RBFOX1: variants seen among roughly 807,000 people sequenced by gnomAD.
The protein encoded by RBFOX1 is RNA binding fox-1 homolog 1.
RBFOX1 carries 8 observed loss-of-function variants against 57.7 expected under a neutral mutation model. The observed-to-expected ratio is 0.14, with a 90% CI of 0.08 to 0.25. The LOEUF (loss-of-function observed/expected upper bound fraction) is 0.25. Ranked by LOEUF, RBFOX1 falls within the 10% of genes least tolerant of loss-of-function variation. RBFOX1 has a pLI of 1.00. For missense variants in RBFOX1, 611 were observed against 548.5 expected, an observed-to-expected ratio of 1.11 and a Z score of -1.14; for synonymous variants, 326 against 222.4, an observed-to-expected ratio of 1.47 and a Z score of -4.15.
intron 4 of RBFOX1, among the ~76,000 whole-genome samples, chr16:7,110,319 C>G (rs1400123041): frequency 6.6e-6 from 1 of 151,928 alleles, no homozygotes; most frequent in Non-Finnish European, 1.5e-5. Context: ...TATGATCATG[C>G]CACTGCACTC....
At chr16:7,420,169 A>G (rs2098526628) in intron 4 of RBFOX1, among the ~76,000 whole-genome samples, 1 of 152,070 alleles carries the variant, frequency 6.6e-6, no homozygotes, top group South Asian at 2.1e-4. Context: ...TCTCCAGTCT[A>G]AATATTCTGC....
At chr16:5,811,731 G>A (rs371613963) in intron 3 of RBFOX1, among the ~76,000 whole-genome samples, 4 of 152,318 alleles carry the variant, frequency 2.6e-5, no homozygotes, top group South Asian at 4.1e-4. Flanking sequence ...TTACAGACGT[G>A]AGCCACCACA....
intron 1 of RBFOX1, among the ~76,000 whole-genome samples, chr16:6,124,038 G>A (rs896389255): frequency 6.6e-6 from 1 of 152,204 alleles, no homozygotes; most frequent in African/African-American, 2.4e-5. Flanking sequence ...GGGGCTCATT[G>A]GTTTCTAGCT....
chr16:6,382,778 T>A (rs2152919802), intron 2 of RBFOX1, among the ~76,000 whole-genome samples: 1 of 152,250 alleles, frequency 6.6e-6, no homozygotes, highest in African/African-American at 2.4e-5. Flanking sequence ...GAGAATTCCT[T>A]GAACTCAGGA....
chr16:6,029,412 T>C (rs1373361259), intron 1 of RBFOX1, among the ~76,000 whole-genome samples: 2 of 152,212 alleles, frequency 1.3e-5, no homozygotes, highest in Non-Finnish European at 2.9e-5. Context: ...CTTGACATTA[T>C]ATATGCACAC....
At chr16:6,670,373 C>T (rs2098756719) in intron 3 of RBFOX1, among the ~76,000 whole-genome samples, 1 of 152,064 alleles carries the variant, frequency 6.6e-6, no homozygotes, top group African/African-American at 2.4e-5. Context: ...CCCAGACAAA[C>T]ATATGTATTT....
In RBFOX1 at chr16:7,316,840, A is replaced by G. The variant is rs183365565; in HGVS notation, c.28-201307A>G. Among the ~76,000 whole-genome samples, 195 of 152,100 alleles carry G rather than the reference A, an allele frequency of 1.3e-3. 1 individual carries two copies. The highest frequency in any genetic ancestry group is 3.4e-3 in the Middle Eastern group (1 of 294). On this transcript the variant is annotated intron_variant, in intron 4 of 15. Coordinates refer to ENST00000550418, the MANE Select transcript of RBFOX1 (RefSeq NM_018723.4). ...CCTAGGTGTCTTTAAGATGCTGGAA[A>G]AACAAAGGGACCAGGGAGCCAGTGA...
chr16:7,600,563 G>T (rs1342444754), intron 9 of RBFOX1, among the ~76,000 whole-genome samples: 1 of 152,176 alleles, frequency 6.6e-6, no homozygotes, highest in East Asian at 1.9e-4. Context: ...CATCGGTGAG[G>T]TTCACTCATT....
chr16:7,083,883 C>A (rs530194392), intron 4 of RBFOX1, among the ~76,000 whole-genome samples: 1 of 152,108 alleles, frequency 6.6e-6, no homozygotes, highest in Non-Finnish European at 1.5e-5. Context: ...AATGGTGACT[C>A]TGTGGTGAAG....
chr16:6,579,748 C>G lies in RBFOX1; in HGVS notation c.-63-74855C>G, dbSNP rs970304190. Among the ~76,000 whole-genome samples, 5 of 152,090 alleles carry G rather than the reference C, an allele frequency of 3.3e-5. 1 individual carries two copies. The highest frequency in any genetic ancestry group is 1.2e-4 in the African/African-American group (5 of 41,528). ...CGTGGGAACAGACTAATACACTTGG[C>G]TAATTTTTCAATTTTTTTGTAGAGA... On this transcript the variant is annotated intron_variant, in intron 2 of 15. Transcript: ENST00000550418.
intron 3 of RBFOX1, among the ~76,000 whole-genome samples, chr16:5,618,195 T>C (rs765085961): frequency 6.6e-6 from 1 of 152,214 alleles, no homozygotes; most frequent in Non-Finnish European, 1.5e-5. Context: ...TTGGTAAATT[T>C]TGTTCGTTTC....
intron 3 of RBFOX1, among the ~76,000 whole-genome samples, chr16:6,992,676 G>C (rs1284956126): frequency 6.6e-6 from 1 of 152,034 alleles, no homozygotes; most frequent in African/African-American, 2.4e-5. Flanking sequence ...TATTCTGTTA[G>C]AGCCACAAAG....
chr16:7,019,068 G>A (rs1597160068), intron 3 of RBFOX1, among the ~76,000 whole-genome samples: 2 of 152,168 alleles, frequency 1.3e-5, no homozygotes, highest in Admixed American at 1.3e-4. Flanking sequence ...TTAGAAGTGT[G>A]TGTGTGTGAG....
At chr16:6,838,643 G>GGT (rs1278780338) in intron 3 of RBFOX1, among the ~76,000 whole-genome samples, 2 of 152,162 alleles carry the variant, frequency 1.3e-5, no homozygotes, top group Non-Finnish European at 2.9e-5. Flanking sequence ...TAACACCACT[G>GGT]GTTTGTCCTA....
At chr16:7,383,496 T>A (rs551690446) in intron 4 of RBFOX1, among the ~76,000 whole-genome samples, 2 of 152,232 alleles carry the variant, frequency 1.3e-5, no homozygotes, top group East Asian at 3.9e-4. Context: ...GCCAGCTGAA[T>A]TAATGAAACT....
intron 1 of RBFOX1, among the ~76,000 whole-genome samples, chr16:5,274,160 C>G (rs960683537): frequency 6.6e-6 from 1 of 152,166 alleles, no homozygotes; most frequent in African/African-American, 2.4e-5. Context: ...ATCTCTCATG[C>G]CTTGTGTTCT....
At chr16:5,509,882 G>A (rs1407645142) in intron 2 of RBFOX1, among the ~76,000 whole-genome samples, 2 of 152,180 alleles carry the variant, frequency 1.3e-5, no homozygotes, top group African/African-American at 4.8e-5. Flanking sequence ...GAACCTTGGC[G>A]CAGACGAGTG....
At chr16:6,618,259 A>G (rs1375240841) in intron 2 of RBFOX1, among the ~76,000 whole-genome samples, 1 of 152,172 alleles carries the variant, frequency 6.6e-6, no homozygotes, top group Non-Finnish European at 1.5e-5. Context: ...TTATGTGTAT[A>G]CCCTAGAAAA....
At chr16:7,198,205 C>T (rs541070958) in intron 4 of RBFOX1, among the ~76,000 whole-genome samples, 282 of 152,052 alleles carry the variant, frequency 1.9e-3, no homozygotes, top group African/African-American at 6.6e-3. Flanking sequence ...CGGGGTTTCA[C>T]CGTGTTAGCC....
Sources: gnomAD v4.1 joint callset for allele counts (sites outside exome capture counted in the v4.1 genomes callset) on GRCh38, gnomAD v4.1.1 for gene constraint, MANE v1.5 for transcripts, NCBI Gene and HGNC (gene_info 2026-07-23, HGNC 2026-07-21) for gene names.